NYAP2: variants seen among roughly 807,000 people sequenced by gnomAD.
The protein encoded by NYAP2 is neuronal tyrosine-phosphorylated phosphoinositide-3-kinase adapter 2.
Under a neutral mutation model 50.4 loss-of-function variants are expected in NYAP2, and 23 were observed. The ratio of observed to expected loss-of-function variants is 0.46; its 90% CI spans 0.33 to 0.65. The LOEUF (loss-of-function observed/expected upper bound fraction) is 0.65, where lower values mean the gene tolerates loss of function less well. NYAP2 is among the 30% of genes least tolerant of loss of function. The probability of loss-of-function intolerance (pLI) is 0.02; values close to 1 mark genes in which losing one functional copy is unlikely to be tolerated. For synonymous variants in NYAP2, 394 were observed against 365.2 expected (o/e 1.08, Z -0.90); for missense variants, 885 against 861.0 (o/e 1.03, Z -0.35).
chr2:225,588,360 A>T (rs1416127416), intron 5 of NYAP2, among the ~76,000 whole-genome samples: 1 of 152,082 alleles, frequency 6.6e-6, no homozygotes, highest in East Asian at 1.9e-4. Flanking sequence ...GAAAAAAAAA[A>T]ATCCACATAG....
chr2:225,584,437 G>C (rs1692355261), intron 5 of NYAP2, among the ~76,000 whole-genome samples: 1 of 152,158 alleles, frequency 6.6e-6, no homozygotes, highest in Non-Finnish European at 1.5e-5. Flanking sequence ...AACAGACCCA[G>C]ATTAGTTTTT....
intron 3 of NYAP2, among the ~76,000 whole-genome samples, chr2:225,498,050 C>T (rs1034482805): frequency 2.6e-5 from 4 of 151,956 alleles, no homozygotes; most frequent in Non-Finnish European, 5.9e-5. Context: ...TAATATATGC[C>T]TGGAAATAAT....
intron 3 of NYAP2, among the ~76,000 whole-genome samples, chr2:225,420,085 C>T (rs568152803): frequency 3.4e-4 from 52 of 152,312 alleles, no homozygotes; most frequent in East Asian, 2.7e-3. Context: ...GAAGCTGTCT[C>T]TTGTGCATAG....
Position 225,409,171 on chromosome 2 carries a change from A to G in NYAP2, c.221+70A>G. The G allele has an allele frequency of 4.3e-6, 5 of 1,162,932 alleles. No homozygotes were observed. In the South Asian group the frequency reaches 4.4e-5, roughly 10 times the overall value. The allele number at this position is 1,162,932 out of a possible 1,614,324, so 72.0% of individuals were successfully genotyped here. A position where few individuals can be genotyped will look rare whatever the true frequency, so the allele number is the denominator to read the frequency against. ...GTCCATGAGGGCTGCTAAAGTTGTG[A>G]TGTTGTCACTTGGTCAGAAAAGGTC... On this transcript the variant is annotated intron_variant, in intron 3 of 6. Coordinates refer to ENST00000636099, the Ensembl canonical transcript of NYAP2.
intron 5 of NYAP2, among the ~76,000 whole-genome samples, chr2:225,588,314 T>A (rs534720095): frequency 6.7e-4 from 102 of 151,700 alleles, no homozygotes; most frequent in Non-Finnish European, 1.1e-3. Context: ...GAATTAGAAA[T>A]CAGATATCAT....
At chr2:225,683,935 C>T in the NYAP2 span, among the ~76,000 whole-genome samples, 1 of 152,038 alleles carries the variant, frequency 6.6e-6, no homozygotes, top group Non-Finnish European at 1.5e-5. Flanking sequence ...GGTTAAAAGG[C>T]AAAATGATCA....
intron 4 of NYAP2, among the ~76,000 whole-genome samples, chr2:225,529,228 A>T (rs531849360): frequency 6.6e-6 from 1 of 152,300 alleles, no homozygotes; most frequent in South Asian, 2.1e-4. Flanking sequence ...CTAGACTTCA[A>T]CATGGCCCCT....
the NYAP2 span, among the ~76,000 whole-genome samples, chr2:225,687,638 A>G: frequency 8.5e-5 from 13 of 152,218 alleles, no homozygotes; most frequent in African/African-American, 1.9e-4. Flanking sequence ...AATCATAAAT[A>G]TATAATATAT....
chr2:225,471,481 T>A (rs1437819897), intron 3 of NYAP2, among the ~76,000 whole-genome samples: 1 of 152,228 alleles, frequency 6.6e-6, no homozygotes, highest in African/African-American at 2.4e-5. Context: ...CACAGGTATA[T>A]TTAAACATAA....
chr2:225,445,272 A>G (rs1161714476), intron 3 of NYAP2, among the ~76,000 whole-genome samples: 1 of 152,154 alleles, frequency 6.6e-6, no homozygotes, highest in Non-Finnish European at 1.5e-5. Flanking sequence ...CTTATGCTAA[A>G]GTACATAAAA....
rs192787718 is a variant in NYAP2 at position 225,556,937 on chromosome 2, A to T, written c.524-25004A>T. 2.8e-4 allele frequency among the ~76,000 whole-genome samples: 43 copies of T among 152,160 alleles called. 1 individual carries two copies. The highest frequency in any genetic ancestry group is 2.8e-3 in the Admixed American group (42 of 15,272). On this transcript the variant is annotated intron_variant, in intron 4 of 6. Transcript: ENST00000636099. Reference sequence around the variant, plus strand: ...CTTTGGCTGTGCTCAACCTCGGACCATTGGTCATGTTCAGGTTTACTTCAA... The same window carrying T: ...CTTTGGCTGTGCTCAACCTCGGACCTTTGGTCATGTTCAGGTTTACTTCAA...
chr2:225,406,122 T>C (rs1431526875), intron 2 of NYAP2, among the ~76,000 whole-genome samples: 2 of 151,780 alleles, frequency 1.3e-5, no homozygotes, highest in Non-Finnish European at 1.5e-5. Context: ...TTTTTTTTAA[T>C]TTGGAAATTG....
In NYAP2 at chr2:225,413,939, G is replaced by A. The variant is rs184442369; in HGVS notation, c.221+4838G>A. On this transcript the variant is annotated intron_variant, in intron 3 of 6. Transcript: ENST00000636099. ...ATATGCCAGTTGCAATTTCAGAAAC[G>A]TGCAGACTGCCAAGGATTGCTTAAA... Among the ~76,000 whole-genome samples, 155 of 152,244 alleles carry A rather than the reference G, an allele frequency of 1.0e-3. 1 individual carries two copies. The highest frequency in any genetic ancestry group is 3.4e-3 in the Middle Eastern group (1 of 294).
At chr2:225,417,080 A>G (rs1695137415) in intron 3 of NYAP2, among the ~76,000 whole-genome samples, 3 of 152,190 alleles carry the variant, frequency 2.0e-5, no homozygotes, top group Non-Finnish European at 4.4e-5. Flanking sequence ...CTATTGGAGG[A>G]TATCTTTAAC....
At chr2:225,568,529 G>A (rs534208829) in intron 4 of NYAP2, among the ~76,000 whole-genome samples, 4 of 152,262 alleles carry the variant, frequency 2.6e-5, no homozygotes, top group East Asian at 3.9e-4. Context: ...TCTGAATGCC[G>A]ATTCTAATAC....
At chr2:225,512,852 TCTTCCTTCCTTCCTTCCTTCCTTC>T (rs762260450) in intron 3 of NYAP2, among the ~76,000 whole-genome samples, 10 of 123,676 alleles carry the variant, frequency 8.1e-5, no homozygotes, top group South Asian at 5.5e-4. Context: ...TTTCTTTCTT[TCTTCCTTCCTTCCTTCCTTCCTTC>T]CTTCCTTCCT....
chr2:225,444,773 T>C (rs899287740), intron 3 of NYAP2, among the ~76,000 whole-genome samples: 5 of 152,170 alleles, frequency 3.3e-5, no homozygotes, highest in African/African-American at 1.2e-4. Context: ...TAAAATATCA[T>C]GGGAACTTAG....
chr2:225,439,416 A>T (rs945514038), intron 3 of NYAP2, among the ~76,000 whole-genome samples: 8 of 152,190 alleles, frequency 5.3e-5, no homozygotes, highest in Non-Finnish European at 8.8e-5. Flanking sequence ...AAAGGATGGA[A>T]AATTGTGATT....
At chr2:225,522,012 T>G (rs1287543790) in intron 4 of NYAP2, among the ~76,000 whole-genome samples, 1 of 152,138 alleles carries the variant, frequency 6.6e-6, no homozygotes, top group Non-Finnish European at 1.5e-5. Flanking sequence ...GGAGGGTGTA[T>G]GTGTCGAGGA....
Sources: allele counts gnomAD v4.1 joint callset (sites outside exome capture counted in the v4.1 genomes callset), GRCh38; gene constraint gnomAD v4.1.1; transcripts MANE v1.5; gene names NCBI Gene and HGNC (gene_info 2026-07-23, HGNC 2026-07-21).